Variants in DORIP1 observed in about 807,000 individuals in gnomAD.
The protein encoded by DORIP1 is dopamine receptor interacting protein 1.
the DORIP1 span, chr14:44,903,675 C>A: frequency 2.0e-6 from 2 of 985,382 alleles, no homozygotes; most frequent in Non-Finnish European, 2.4e-6. Context: ...ATATTCATCC[C>A]AATCTCTTAA....
chr14:44,900,590 G>A, the DORIP1 span: 2 of 1,610,222 alleles, frequency 1.2e-6, no homozygotes, highest in Middle Eastern at 1.7e-4. Flanking sequence ...GTTGAAATAA[G>A]ACTGAAAAAT....
At chr14:44,898,322 G>A in the DORIP1 span, among the ~76,000 whole-genome samples, 3 of 151,674 alleles carry the variant, frequency 2.0e-5, no homozygotes, top group East Asian at 1.9e-4. Flanking sequence ...CCCTCCTCCC[G>A]TTTTTTCCAG....
At chr14:44,904,513 G>T in the DORIP1 span, 1 of 1,596,488 alleles carries the variant, frequency 6.3e-7, no homozygotes, top group Non-Finnish European at 8.5e-7. Flanking sequence ...CTATTACTTG[G>T]ATTTGTCTGA....
the DORIP1 span, chr14:44,897,698 G>C: frequency 1.3e-5 from 2 of 152,480 alleles, no homozygotes; most frequent in African/African-American, 4.8e-5. Context: ...AGAGGCGGGG[G>C]CGCCCAGCCG....
chr14:44,905,173 T>C, the DORIP1 span: 1 of 402,072 alleles, frequency 2.5e-6, no homozygotes, highest in Non-Finnish European at 4.3e-6. Flanking sequence ...AGTTCATCTG[T>C]TAAAATATGT....
chr14:44,897,740 G>A, the DORIP1 span, among the ~76,000 whole-genome samples: 13 of 152,248 alleles, frequency 8.5e-5, no homozygotes, highest in South Asian at 1.9e-3. Flanking sequence ...GGACCCGCCC[G>A]CCTCGGTGCC....
chr14:44,903,791 G>A, the DORIP1 span: 8 of 975,158 alleles, frequency 8.2e-6, no homozygotes, highest in Non-Finnish European at 9.7e-6. Flanking sequence ...TCTGTTAATT[G>A]TACCTATTAA....
chr14:44,902,051 G>A, the DORIP1 span, among the ~76,000 whole-genome samples: 4 of 152,148 alleles, frequency 2.6e-5, no homozygotes, highest in Admixed American at 6.5e-5. Flanking sequence ...CTGATAGATC[G>A]TTCCCATTTG....
chr14:44,905,535 A>C, the DORIP1 span: 1 of 1,513,514 alleles, frequency 6.6e-7, no homozygotes. Flanking sequence ...TTTATATTCG[A>C]GCAACAGAGA....
chr14:44,899,884 T>A, the DORIP1 span, among the ~76,000 whole-genome samples: 1 of 144,206 alleles, frequency 6.9e-6, no homozygotes, highest in Non-Finnish European at 1.5e-5. Flanking sequence ...CAGGCTGGAA[T>A]GAGATGGCGT....
At chr14:44,905,248 T>C in the DORIP1 span, 1 of 638,012 alleles carries the variant, frequency 1.6e-6, no homozygotes, top group Non-Finnish European at 2.4e-6. Flanking sequence ...ATGGATATCT[T>C]TTTCAGGGAA....
the DORIP1 span, chr14:44,903,285 T>C: frequency 6.2e-7 from 1 of 1,612,318 alleles, no homozygotes; most frequent in Non-Finnish European, 8.5e-7. Flanking sequence ...TTGAACTGTG[T>C]GAAGAGCATG....
the DORIP1 span, chr14:44,905,410 C>A: frequency 6.4e-7 from 1 of 1,559,956 alleles, no homozygotes; most frequent in Non-Finnish European, 8.7e-7. Context: ...AGAGGAACAT[C>A]ATTATTCTGC....
the DORIP1 span, among the ~76,000 whole-genome samples, chr14:44,903,048 G>A: frequency 6.6e-6 from 1 of 152,154 alleles, no homozygotes; most frequent in African/African-American, 2.4e-5. Flanking sequence ...GAGTTCAACT[G>A]GTTTCTATAC....
the DORIP1 span, chr14:44,904,434 C>A: frequency 6.2e-7 from 1 of 1,611,064 alleles, no homozygotes; most frequent in East Asian, 2.2e-5. Flanking sequence ...GAATTTTCTG[C>A]CATGGGGCAC....
the DORIP1 span, among the ~76,000 whole-genome samples, chr14:44,897,824 C>T: frequency 6.6e-6 from 1 of 152,202 alleles, no homozygotes; most frequent in African/African-American, 2.4e-5. Flanking sequence ...GGGGCGCACG[C>T]CTAGCGTCCG....
At chr14:44,899,231 G>A in the DORIP1 span, 1 of 152,148 alleles carries the variant, frequency 6.6e-6, no homozygotes, top group African/African-American at 2.4e-5. Flanking sequence ...AATACTTACT[G>A]TGGCTTTAAA....
the DORIP1 span, among the ~76,000 whole-genome samples, chr14:44,902,408 A>G: frequency 6.6e-6 from 1 of 152,138 alleles, no homozygotes; most frequent in African/African-American, 2.4e-5. Flanking sequence ...GCTCACTGCA[A>G]CGTTGACTTC....
chr14:44,904,311 T>C, the DORIP1 span: 2 of 1,505,610 alleles, frequency 1.3e-6, no homozygotes, highest in East Asian at 2.3e-5. Context: ...TATAAGAAAA[T>C]TAAAGTCATA....
Sources: gnomAD v4.1 joint callset for allele counts (sites outside exome capture counted in the v4.1 genomes callset) on GRCh38, gnomAD v4.1.1 for gene constraint, MANE v1.5 for transcripts, NCBI Gene and HGNC (gene_info 2026-07-23, HGNC 2026-07-21) for gene names.